STN1: variants seen among roughly 807,000 people sequenced by gnomAD.
STN1 encodes CST complex subunit STN1.
A neutral mutation model predicts 45.5 loss-of-function variants in STN1; 29 were observed. The ratio of observed to expected loss-of-function variants is 0.64; its 90% CI spans 0.47 to 0.87. The LOEUF (loss-of-function observed/expected upper bound fraction) is 0.87, where lower values mean the gene tolerates loss of function less well. Ranked by LOEUF, STN1 falls within the 40% of genes least tolerant of loss-of-function variation. STN1 has a pLI of 0.00. For missense variants in STN1, 376 were observed against 441.4 expected (o/e 0.85, Z 1.33); for synonymous variants, 148 against 159.0 (o/e 0.93, Z 0.52).
intron 4 of STN1, among the ~76,000 whole-genome samples, chr10:103,900,835 C>A (rs1843205618): frequency 6.6e-6 from 1 of 152,088 alleles, no homozygotes; most frequent in Admixed American, 6.6e-5. Flanking sequence ...ACACTCAATT[C>A]TAAATAACTT....
intron 3 of STN1, among the ~76,000 whole-genome samples, chr10:103,909,380 G>GTA (rs1293827451): frequency 1.1e-5 from 1 of 88,908 alleles, no homozygotes; most frequent in Non-Finnish European, 2.3e-5. Context: ...ATATATATAT[G>GTA]TATATATATG....
chr10:103,904,647 G>A (rs1437099380), intron 4 of STN1, among the ~76,000 whole-genome samples: 1 of 152,096 alleles, frequency 6.6e-6, no homozygotes, highest in Non-Finnish European at 1.5e-5. Flanking sequence ...TGAACACAGA[G>A]ATTTTAGAAA....
chr10:103,882,602 C>T lies in STN1; in HGVS notation c.*82G>A. The T allele has an allele frequency of 7.1e-7, 1 of 1,410,846 alleles. No homozygotes were observed. Among genetic ancestry groups the T allele is most frequent in the Non-Finnish European group, 9.7e-7 (1 of 1,036,038 alleles). 87.4% of individuals were successfully genotyped at this position (1,410,846 alleles called of 1,614,324 possible). ...GGTAACTGCCTCCAGACAGATAAGC[C>T]CCTGCATGATGCTGAAAGTCAGAGC... On this transcript the variant is annotated 3_prime_UTR_variant, in exon 10 of 10. Coordinates refer to ENST00000224950, the MANE Select transcript of STN1 (RefSeq NM_024928.5).
intron 2 of STN1, among the ~76,000 whole-genome samples, chr10:103,914,374 A>ATATATTT (rs1554837551): frequency 8.2e-5 from 8 of 97,364 alleles, no homozygotes; most frequent in African/African-American, 3.4e-4. Flanking sequence ...ATATATATAT[A>ATATATTT]TTTTTTTTTT....
intron 8 of STN1, among the ~76,000 whole-genome samples, chr10:103,891,021 C>A (rs1187718011): frequency 6.6e-6 from 1 of 152,126 alleles, no homozygotes; most frequent in African/African-American, 2.4e-5. Flanking sequence ...AAACAAGCAC[C>A]TACACTTCTG....
In STN1 at chr10:103,878,872, G is replaced by C. The variant is rs1039892318; in HGVS notation, c.*3812C>G. On this transcript the variant is annotated 3_prime_UTR_variant, in exon 10 of 10. Transcript: ENST00000224950. The stretch of plus-strand genomic sequence containing the variant: ...AGGTCAGCATGTGGTAAAGGGGAGC[G>C]GGGAAGTAAGGCAGGGAGGGTGAGG... 1.3e-5 allele frequency: 2 copies of C among 152,454 alleles called. No homozygotes were observed. The highest frequency in any genetic ancestry group is 6.5e-5 in the Admixed American group (1 of 15,278). 9.4% of individuals were successfully genotyped at this position (152,454 alleles called of 1,614,324 possible).
rs745387725 is a variant in STN1 at position 103,905,078 on chromosome 10, C to T, written c.295+13G>A. 1.2e-6 allele frequency: 2 copies of T among 1,610,494 alleles called. No homozygotes were observed. The highest frequency in any genetic ancestry group is 3.3e-5 in the Admixed American group (2 of 59,980). On this transcript the variant is annotated intron_variant, in intron 4 of 9. Transcript: ENST00000224950. ...TTAGGTGAAAAGTAAAGGAATGTGG[C>T]AAATAAAATTACCTGATACAGACTC...
chr10:103,888,984 G>T, intron 9 of STN1, 88 bp downstream of exon 9: 2 of 904,122 alleles, frequency 2.2e-6, no homozygotes, highest in African/African-American at 1.6e-5. Context: ...AAAAGTCCCG[G>T]GTCTCCTGAC....
At chr10:103,896,666 C>T (rs1163053422) in intron 7 of STN1, among the ~76,000 whole-genome samples, 1 of 151,540 alleles carries the variant, frequency 6.6e-6, no homozygotes, top group Non-Finnish European at 1.5e-5. Flanking sequence ...GGGTGACAGT[C>T]AGGGGTCAGG....
chr10:103,888,751 C>T (rs1370590372), intron 9 of STN1, among the ~76,000 whole-genome samples: 1 of 152,150 alleles, frequency 6.6e-6, no homozygotes. Context: ...GTGTGGTGAC[C>T]TCACTGTATC....
intron 2 of STN1, among the ~76,000 whole-genome samples, chr10:103,912,687 G>C (rs1843299555): frequency 6.6e-6 from 1 of 152,252 alleles, no homozygotes; most frequent in Admixed American, 6.5e-5. Flanking sequence ...TGCAGGGCCA[G>C]GTGGCCTGAG....
intron 7 of STN1, among the ~76,000 whole-genome samples, chr10:103,895,897 C>T (rs1215213612): frequency 2.0e-5 from 3 of 152,126 alleles, no homozygotes; most frequent in African/African-American, 7.2e-5. Flanking sequence ...ACTGTAGGGG[C>T]CAACCTATAT....
chr10:103,903,994 T>C (rs1464364008), intron 4 of STN1, among the ~76,000 whole-genome samples: 1 of 151,076 alleles, frequency 6.6e-6, no homozygotes, highest in Non-Finnish European at 1.5e-5. Flanking sequence ...TAAATGTAAA[T>C]ACATCAGAAA....
intron 2 of STN1, 64 bp downstream of exon 2, chr10:103,917,394 GCTTT>G (rs1174244307): frequency 6.6e-7 from 1 of 1,520,524 alleles, no homozygotes; most frequent in Non-Finnish European, 8.9e-7. Context: ...TCTAATCCCA[GCTTT>G]CTGAGACTTT....
At chr10:103,916,099 A>G (rs1271072828) in intron 2 of STN1, among the ~76,000 whole-genome samples, 1 of 152,224 alleles carries the variant, frequency 6.6e-6, no homozygotes, top group Admixed American at 6.5e-5. Context: ...AAAAGTATCC[A>G]ATCTGTCAGC....
chr10:103,882,842 C>A lies in STN1; in HGVS notation c.950-1G>T. The A allele has an allele frequency of 6.2e-7, 1 of 1,609,282 alleles. No homozygotes were observed. The highest frequency in any genetic ancestry group is 8.5e-7 in the Non-Finnish European group (1 of 1,177,072). On this transcript the variant is annotated splice_acceptor_variant, in intron 9 of 9. Transcript: ENST00000224950. LOFTEE classifies it high-confidence loss of function. ...AGGAAGTGACAGCCCTTCTCCATGT[C>A]TGCAGGAAAAAGGTAGGTGGCTGAG... is the stretch of plus-strand genomic sequence containing the variant.
rs937400607 is a variant in STN1, at chr10:103,917,739, G to C, written c.-62-83C>G. 9 of 825,238 alleles carry C rather than the reference G, an allele frequency of 1.1e-5. No individual in the cohort carries two copies. The African/African-American group carries it at 1.4e-4, about 13-fold the overall frequency. 51.1% of individuals were successfully genotyped at this position (825,238 alleles called of 1,614,324 possible). A position where few individuals can be genotyped will look rare whatever the true frequency, so the allele number is the denominator to read the frequency against. Reference sequence around the variant, plus strand: ...GCCCTGACGCTGCTCCCAGGTGGGCGTCCAGGACTCCAGGAGGGGTGAACG... The same window carrying C: ...GCCCTGACGCTGCTCCCAGGTGGGCCTCCAGGACTCCAGGAGGGGTGAACG... On this transcript the variant is annotated intron_variant, in intron 1 of 9. Transcript: ENST00000224950.
At chr10:103,914,764 C>G (rs1416453066) in intron 2 of STN1, among the ~76,000 whole-genome samples, 1 of 152,142 alleles carries the variant, frequency 6.6e-6, no homozygotes, top group Non-Finnish European at 1.5e-5. Flanking sequence ...TAGTTCAACT[C>G]TAAATTCAAA....
Position 103,881,489 on chromosome 10 carries a change from T to G in STN1, c.*1195A>C, listed in dbSNP as rs1413867168. On this transcript the variant is annotated 3_prime_UTR_variant, in exon 10 of 10. Coordinates refer to ENST00000224950, the MANE Select transcript of STN1 (RefSeq NM_024928.5). ...AGAAATCAGCAAAGGTTTGCATCAT[T>G]ACAAAAGTCTATGACAGGAGGCAAT... 6.6e-6 allele frequency among the ~76,000 whole-genome samples: 1 copy of G among 152,196 alleles called. No homozygotes were observed. The highest frequency in any genetic ancestry group is 2.4e-5 in the African/African-American group (1 of 41,454).
Sources: allele counts gnomAD v4.1 joint callset (sites outside exome capture counted in the v4.1 genomes callset), GRCh38; gene constraint gnomAD v4.1.1; transcripts MANE v1.5; gene names NCBI Gene and HGNC (gene_info 2026-07-23, HGNC 2026-07-21).